SCAPER: variants seen among roughly 807,000 people sequenced by gnomAD.
SCAPER encodes S phase cyclin A-associated protein in the endoplasmic reticulum.
In SCAPER, 98 loss-of-function variants were observed where a neutral mutation model predicts 182.2. That is an observed-to-expected ratio of 0.54 (90% CI 0.46 to 0.64). SCAPER has a LOEUF of 0.64. SCAPER is among the 30% of genes least tolerant of loss of function. SCAPER has a pLI of 0.00. For synonymous variants in SCAPER, 605 were observed against 564.6 expected (o/e 1.07, Z -1.01); for missense variants, 1,432 against 1,690.0 (o/e 0.85, Z 2.68).
At chr15:76,900,342 TAAAA>T (rs56677318) in intron 1 of SCAPER, among the ~76,000 whole-genome samples, 2 of 59,086 alleles carry the variant, frequency 3.4e-5, no homozygotes, top group East Asian at 9.3e-4. Context: ...CAATAAATAC[TAAAA>T]AAAAAAAAAA....
At chr15:76,375,880 G>A (rs2042528239) in intron 29 of SCAPER, among the ~76,000 whole-genome samples, 3 of 152,216 alleles carry the variant, frequency 2.0e-5, no homozygotes, top group South Asian at 2.1e-4. Context: ...AGCTACTTGG[G>A]AGGCTGAGGC....
At chr15:76,549,102 A>C (rs1403876001) in intron 23 of SCAPER, among the ~76,000 whole-genome samples, 2 of 152,196 alleles carry the variant, frequency 1.3e-5, no homozygotes, top group African/African-American at 4.8e-5. Flanking sequence ...TTTACAAGAA[A>C]AAACCAAACA....
chr15:76,832,759 C>T (rs1453910292), intron 5 of SCAPER, among the ~76,000 whole-genome samples: 2 of 152,138 alleles, frequency 1.3e-5, no homozygotes, highest in Non-Finnish European at 2.9e-5. Context: ...CTCCCCCTCG[C>T]TCTTGGTCCT....
At chr15:76,507,767 T>G (rs2041716147) in intron 23 of SCAPER, among the ~76,000 whole-genome samples, 1 of 152,180 alleles carries the variant, frequency 6.6e-6, no homozygotes, top group South Asian at 2.1e-4. Flanking sequence ...AGATTAAAAT[T>G]AATAATTTTG....
chr15:76,792,276 A>T (rs1169147582), intron 8 of SCAPER, among the ~76,000 whole-genome samples: 1 of 152,046 alleles, frequency 6.6e-6, no homozygotes, highest in South Asian at 2.1e-4. Context: ...GAAAATTCAC[A>T]CTCAAGGAAT....
At chr15:76,751,491 C>T (rs2151180047) in intron 15 of SCAPER, among the ~76,000 whole-genome samples, 1 of 151,782 alleles carries the variant, frequency 6.6e-6, no homozygotes, top group Middle Eastern at 3.4e-3. Flanking sequence ...AACAAAACTA[C>T]AATCATGAAA....
At chr15:76,428,010 G>A (rs2046559977) in intron 26 of SCAPER, among the ~76,000 whole-genome samples, 1 of 152,040 alleles carries the variant, frequency 6.6e-6, no homozygotes, top group Non-Finnish European at 1.5e-5. Context: ...TGATTTTGGA[G>A]GATTGCTTGA....
chr15:76,629,443 G>C (rs71636322), intron 21 of SCAPER, among the ~76,000 whole-genome samples: 1 of 152,084 alleles, frequency 6.6e-6, no homozygotes, highest in Non-Finnish European at 1.5e-5. Context: ...CTTCAATACC[G>C]AGTTTATTGA....
intron 24 of SCAPER, among the ~76,000 whole-genome samples, chr15:76,481,370 G>A (rs1033057135): frequency 3.3e-5 from 5 of 152,122 alleles, no homozygotes; most frequent in Non-Finnish European, 5.9e-5. Flanking sequence ...GAATTATGAT[G>A]GGATTATATG....
chr15:76,779,396 T>G (rs962326502), intron 8 of SCAPER, among the ~76,000 whole-genome samples: 1 of 152,098 alleles, frequency 6.6e-6, no homozygotes, highest in African/African-American at 2.4e-5. Context: ...ATTAAAAGTA[T>G]AAGAAAGGAA....
At chr15:76,441,893 CACA>C (rs916231379) in intron 25 of SCAPER, among the ~76,000 whole-genome samples, 1 of 152,118 alleles carries the variant, frequency 6.6e-6, no homozygotes, top group Non-Finnish European at 1.5e-5. Context: ...CCAGTGCCTA[CACA>C]ACATCAGACA....
intron 21 of SCAPER, among the ~76,000 whole-genome samples, chr15:76,656,191 A>G (rs1038936802): frequency 1.1e-4 from 17 of 152,222 alleles, no homozygotes; most frequent in African/African-American, 4.1e-4. Flanking sequence ...CCACAGGTTC[A>G]AAGTAAAGGG....
intron 23 of SCAPER, among the ~76,000 whole-genome samples, chr15:76,559,608 T>C (rs1310909910): frequency 6.6e-6 from 1 of 152,160 alleles, no homozygotes; most frequent in Non-Finnish European, 1.5e-5. Flanking sequence ...TGGATGGAAC[T>C]GGAGGCCATT....
intron 4 of SCAPER, among the ~76,000 whole-genome samples, chr15:76,848,264 T>G (rs1485483187): frequency 6.6e-6 from 1 of 151,306 alleles, no homozygotes; most frequent in African/African-American, 2.4e-5. Flanking sequence ...CCTCCCAAAG[T>G]GCTGGGATTA....
intron 20 of SCAPER, among the ~76,000 whole-genome samples, chr15:76,674,185 C>G (rs1222412145): frequency 6.6e-6 from 1 of 152,056 alleles, no homozygotes; most frequent in African/African-American, 2.4e-5. Context: ...ACTGGAATAT[C>G]CCCATATCTA....
intron 17 of SCAPER, among the ~76,000 whole-genome samples, chr15:76,717,194 T>C (rs1047176325): frequency 1.4e-5 from 2 of 145,638 alleles, no homozygotes; most frequent in Non-Finnish European, 3.0e-5. Context: ...CAAGGAAAAC[T>C]ATCCTTCAGA....
intron 20 of SCAPER, among the ~76,000 whole-genome samples, chr15:76,675,310 A>C (rs913556221): frequency 1.3e-5 from 2 of 152,216 alleles, no homozygotes; most frequent in Non-Finnish European, 2.9e-5. Flanking sequence ...CTTAAAACGA[A>C]ATTAACACAT....
chr15:76,394,973 A>T (rs868113257), intron 27 of SCAPER, among the ~76,000 whole-genome samples: 1 of 152,096 alleles, frequency 6.6e-6, no homozygotes, highest in Non-Finnish European at 1.5e-5. Context: ...TGTACCCATT[A>T]ACCATCCCCA....
chr15:76,518,208 G>A (rs918343464), intron 23 of SCAPER, among the ~76,000 whole-genome samples: 1 of 152,136 alleles, frequency 6.6e-6, no homozygotes, highest in African/African-American at 2.4e-5. Context: ...AGCCCCAGCT[G>A]GCCTTCAATA....
Sources: allele counts gnomAD v4.1 joint callset (sites outside exome capture counted in the v4.1 genomes callset), GRCh38; gene constraint gnomAD v4.1.1; transcripts MANE v1.5; gene names NCBI Gene and HGNC (gene_info 2026-07-23, HGNC 2026-07-21).